The following ZNF516 variants were observed in gnomAD, a reference collection of about 807,000 sequenced individuals.
ZNF516 encodes the protein zinc finger protein 516.
Under a neutral mutation model 79.7 loss-of-function variants are expected in ZNF516, and 19 were observed. The observed-to-expected ratio is 0.24, with a 90% CI of 0.17 to 0.35. ZNF516 has a LOEUF of 0.35. Among genes scored for constraint, ZNF516 ranks in the 10% least tolerant of loss-of-function variants. The probability of loss-of-function intolerance (pLI) is 1.00; values close to 1 mark genes in which losing one functional copy is unlikely to be tolerated. For missense variants in ZNF516, 1,678 were observed against 1,679.5 expected (o/e 1.00, Z 0.02); for synonymous variants, 877 against 739.5 (o/e 1.19, Z -3.02).
rs1217332284 is a variant in ZNF516, at chr18:76,446,212, CCTT to C, written c.-157-3004_-157-3002del. ...TCACCGAAGCCCCTTGCAAATGCCT[CCTT>C]CTATAAAATCCAGTGACCCCCTCAG... On this transcript the variant is annotated intron_variant, in intron 2 of 6. Coordinates refer to ENST00000443185, the MANE Select transcript of ZNF516 (RefSeq NM_014643.4). Among the ~76,000 whole-genome samples, 9 of 152,310 alleles carry C rather than the reference CCTT, an allele frequency of 5.9e-5. No individual in the cohort carries two copies. In the South Asian group the frequency reaches 1.0e-3, roughly 18 times the overall value.
intron 3 of ZNF516, among the ~76,000 whole-genome samples, chr18:76,425,642 T>C (rs954589942): frequency 1.3e-5 from 2 of 152,204 alleles, no homozygotes; most frequent in South Asian, 4.1e-4. Flanking sequence ...CGATTTTGAA[T>C]TCAGGAGGTA....
chr18:76,441,170 ATACGTT>A, intron 3 of ZNF516, 69 bp downstream of exon 3: 1 of 1,515,376 alleles, frequency 6.6e-7, no homozygotes, highest in South Asian at 1.3e-5. Context: ...CTACTTGAGT[ATACGTT>A]TACCTGGAAG....
chr18:76,454,588 TAA>T (rs1912606595), intron 2 of ZNF516, among the ~76,000 whole-genome samples: 1 of 152,110 alleles, frequency 6.6e-6, no homozygotes, highest in Admixed American at 6.6e-5. Flanking sequence ...TTCAGCTGCT[TAA>T]GGAGAGTGAT....
chr18:76,365,591 C>T (rs1037937706), intron 6 of ZNF516, among the ~76,000 whole-genome samples: 1 of 152,130 alleles, frequency 6.6e-6, no homozygotes, highest in African/African-American at 2.4e-5. Flanking sequence ...AATGGATGAC[C>T]AAGCATCTTT....
At chr18:76,373,310 G>A (rs1205303126) in intron 4 of ZNF516, among the ~76,000 whole-genome samples, 1 of 151,364 alleles carries the variant, frequency 6.6e-6, no homozygotes, top group African/African-American at 2.4e-5. Flanking sequence ...GGAAAGAGAA[G>A]GGGAGAAAGA....
intron 4 of ZNF516, 120 bp downstream of exon 4, chr18:76,378,734 TG>T: frequency 7.1e-7 from 1 of 1,398,892 alleles, no homozygotes; most frequent in Non-Finnish European, 9.5e-7. Context: ...AGCAGTGGGA[TG>T]GGGCCGGCTG....
At chr18:76,395,432 C>A (rs889956682) in intron 3 of ZNF516, among the ~76,000 whole-genome samples, 1 of 152,194 alleles carries the variant, frequency 6.6e-6, no homozygotes, top group Admixed American at 6.5e-5. Context: ...ATATCCAAGA[C>A]TCACATGCAA....
At chr18:76,491,275 C>A (rs1315556665) in intron 1 of ZNF516, among the ~76,000 whole-genome samples, 4 of 35,624 alleles carry the variant, frequency 1.1e-4, no homozygotes, top group Non-Finnish European at 2.7e-4. Context: ...CGCCCCCCTC[C>A]CCGGCCCCGG....
At chr18:76,457,758 CACT>C (rs1599120978) in intron 2 of ZNF516, among the ~76,000 whole-genome samples, 1 of 152,260 alleles carries the variant, frequency 6.6e-6, no homozygotes, top group East Asian at 1.9e-4. Flanking sequence ...CAACTCCCAC[CACT>C]GACTTGGGTC....
rs35777753 is a variant in ZNF516, at chr18:76,445,257, CA to C, written c.-157-2047del. On this transcript the variant is annotated intron_variant, in intron 2 of 6. Transcript: ENST00000443185. ...GGGTGACAGAGCAAGACTCCATCTC[CA>C]AAAAAAAAAAAACAACAACAACATT... Among the ~76,000 whole-genome samples the C allele has an allele frequency of 2.9e-3, 398 of 139,416 alleles. 1 individual carries two copies. Among genetic ancestry groups the C allele is most frequent in the African/African-American group, 9.2e-3 (345 of 37,320 alleles). 91.5% of individuals were successfully genotyped at this position (139,416 alleles called of 152,430 possible). A position where few individuals can be genotyped will look rare whatever the true frequency, so the allele number is the denominator to read the frequency against.
intron 1 of ZNF516, 147 bp downstream of exon 1, chr18:76,494,996 TC>T (rs1915423423): frequency 1.0e-5 from 1 of 98,592 alleles, no homozygotes; most frequent in African/African-American, 3.9e-5. Flanking sequence ...GGGGGGCCCC[TC>T]CCCGGCGCAC....
chr18:76,455,863 G>T (rs954683671), intron 2 of ZNF516, among the ~76,000 whole-genome samples: 3 of 152,144 alleles, frequency 2.0e-5, no homozygotes, highest in Non-Finnish European at 2.9e-5. Flanking sequence ...ACCGAACCAA[G>T]GTACTGAAAA....
chr18:76,392,521 CA>C (rs2075088509), intron 3 of ZNF516, among the ~76,000 whole-genome samples: 2 of 145,132 alleles, frequency 1.4e-5, no homozygotes, highest in African/African-American at 5.3e-5. Context: ...GGTAGGTGGC[CA>C]GGTGGGGGAA....
Position 76,443,124 on chromosome 18 carries a change from C to G in ZNF516, c.-70G>C. On this transcript the variant is annotated 5_prime_UTR_variant, in exon 3 of 7. Transcript: ENST00000443185. ...GCGCGGGCTGCAGGGACCGTCCTAT[C>G]TCTCCATGGTCAGAAGAGCCAAAAG... 6.6e-7 allele frequency: 1 copy of G among 1,503,984 alleles called. No homozygotes were observed. Among genetic ancestry groups the G allele is most frequent in the Non-Finnish European group, 8.8e-7 (1 of 1,134,586 alleles). 93.2% of individuals were successfully genotyped at this position (1,503,984 alleles called of 1,614,324 possible).
At chr18:76,398,839 T>C (rs1000520106) in intron 3 of ZNF516, among the ~76,000 whole-genome samples, 3 of 152,212 alleles carry the variant, frequency 2.0e-5, no homozygotes, top group Non-Finnish European at 2.9e-5. Context: ...ACTTTTTCTA[T>C]TGCGATGCAT....
At chr18:76,363,035 GGTCT>G (rs1300121770) in intron 6 of ZNF516, among the ~76,000 whole-genome samples, 1 of 152,164 alleles carries the variant, frequency 6.6e-6, no homozygotes, top group Non-Finnish European at 1.5e-5. Flanking sequence ...CTCTCACGTA[GGTCT>G]GTCAGAACTT....
intron 4 of ZNF516, among the ~76,000 whole-genome samples, chr18:76,376,873 G>C (rs549322938): frequency 6.6e-6 from 1 of 152,108 alleles, no homozygotes; most frequent in African/African-American, 2.4e-5. Context: ...GGCGGCCACC[G>C]GGGGAAGGAC....
chr18:76,375,151 T>C (rs1379305591), intron 4 of ZNF516, among the ~76,000 whole-genome samples: 2 of 152,238 alleles, frequency 1.3e-5, no homozygotes, highest in Non-Finnish European at 2.9e-5. Context: ...TCTGTTCACC[T>C]TTCCAATAGT....
intron 3 of ZNF516, among the ~76,000 whole-genome samples, chr18:76,392,565 GA>G (rs2075091078): frequency 6.7e-6 from 1 of 148,904 alleles, no homozygotes; most frequent in African/African-American, 2.5e-5. Context: ...CCACGTGGGG[GA>G]AAGGTGGATG....
Sources: gnomAD v4.1 joint callset for allele counts (sites outside exome capture counted in the v4.1 genomes callset) on GRCh38, gnomAD v4.1.1 for gene constraint, MANE v1.5 for transcripts, NCBI Gene and HGNC (gene_info 2026-07-23, HGNC 2026-07-21) for gene names.